Variants in SLC12A8 observed in about 807,000 individuals in gnomAD.
SLC12A8 encodes the protein cation-chloride cotransporter 9.
Under a neutral mutation model 75.6 loss-of-function variants are expected in SLC12A8, and 69 were observed. The ratio of observed to expected loss-of-function variants is 0.91; its 90% CI spans 0.75 to 1.11. The LOEUF (loss-of-function observed/expected upper bound fraction) is 1.11, where lower values mean the gene tolerates loss of function less well. SLC12A8 is among the 50% of genes most tolerant of loss of function. The probability of loss-of-function intolerance (pLI) is 0.00; values close to 1 mark genes in which losing one functional copy is unlikely to be tolerated. For synonymous variants in SLC12A8, 365 were observed against 372.8 expected (o/e 0.98, Z 0.24); for missense variants, 877 against 896.7 (o/e 0.98, Z 0.28).
intron 2 of SLC12A8, among the ~76,000 whole-genome samples, chr3:125,202,738 T>G (rs950326772): frequency 4.0e-5 from 6 of 151,556 alleles, no homozygotes; most frequent in Non-Finnish European, 8.8e-5. Flanking sequence ...TACGAAACAC[T>G]GATGAAATAA....
At chr3:125,188,991 A>G (rs1934854870) in intron 3 of SLC12A8, among the ~76,000 whole-genome samples, 1 of 152,214 alleles carries the variant, frequency 6.6e-6, no homozygotes, top group African/African-American at 2.4e-5. Context: ...TGCCTATGTA[A>G]TGGTTAATTT....
chr3:125,181,458 G>T (rs922802539), intron 4 of SLC12A8, among the ~76,000 whole-genome samples: 1 of 149,718 alleles, frequency 6.7e-6, no homozygotes, highest in African/African-American at 2.4e-5. Context: ...AAAATTAGCC[G>T]GGCGCGGTGG....
intron 6 of SLC12A8, 58 bp downstream of exon 6, chr3:125,135,611 T>C: frequency 8.7e-7 from 1 of 1,146,762 alleles, no homozygotes; most frequent in South Asian, 1.7e-5. Flanking sequence ...TGCTGAATTT[T>C]GGAACCAAGA....
At chr3:125,178,504 TATCTAGGTGAATGTAC>T (rs1934586770) in intron 4 of SLC12A8, among the ~76,000 whole-genome samples, 1 of 152,256 alleles carries the variant, frequency 6.6e-6, no homozygotes, top group Admixed American at 6.5e-5. Flanking sequence ...ACCCAAGGAC[TATCTAGGTGAATGTAC>T]TTCATTTTAC....
rs1403477316 is a variant in SLC12A8, at chr3:125,192,778, T to C, written c.52-2257A>G. 2.6e-5 allele frequency: 4 copies of C among 154,452 alleles called. No individual in the cohort carries two copies. In the East Asian group the frequency reaches 5.8e-4, roughly 22 times the overall value. The allele number at this position is 154,452 out of a possible 1,614,324, so 9.6% of individuals were successfully genotyped here. A position where few individuals can be genotyped will look rare whatever the true frequency, so the allele number is the denominator to read the frequency against. On this transcript the variant is annotated intron_variant, in intron 2 of 13. Coordinates refer to ENST00000469902, the MANE Select transcript of SLC12A8 (RefSeq NM_024628.6). ...TTCAGGATATTGAGGGGTGTGTACC[T>C]ACCTTTTCTCACCACATGACAAAAA...
intron 4 of SLC12A8, among the ~76,000 whole-genome samples, chr3:125,178,452 G>A (rs566984406): frequency 6.6e-6 from 1 of 152,124 alleles, no homozygotes; most frequent in Admixed American, 6.5e-5. Context: ...AAAAAAAAAA[G>A]TGAGTGGCAC....
rs1232150100 is a variant in SLC12A8, at chr3:125,114,186, T to A, written c.913-3851A>T. 2.0e-5 allele frequency among the ~76,000 whole-genome samples: 3 copies of A among 152,180 alleles called. No individual in the cohort carries two copies. In the East Asian group the frequency reaches 5.8e-4, roughly 29 times the overall value. The stretch of plus-strand genomic sequence containing the variant: ...CCATTTTCCATAATGAGACCTAGTC[T>A]GCTTCCCTTCCTGAGAGGCAGGACT... On this transcript the variant is annotated intron_variant, in intron 8 of 13. Transcript: ENST00000469902.
At chr3:125,196,392 T>A (rs1242293659) in intron 2 of SLC12A8, among the ~76,000 whole-genome samples, 5 of 152,228 alleles carry the variant, frequency 3.3e-5, no homozygotes. Context: ...TGTAGGAGTA[T>A]GAATTACCAA....
chr3:125,156,603 G>A (rs1560070477), intron 5 of SLC12A8, among the ~76,000 whole-genome samples: 1 of 152,338 alleles, frequency 6.6e-6, no homozygotes, highest in East Asian at 1.9e-4. Flanking sequence ...TGGGATGAGA[G>A]GTGGGATGAG....
At chr3:125,207,745 A>T (rs1259066232) in intron 2 of SLC12A8, among the ~76,000 whole-genome samples, 1 of 152,190 alleles carries the variant, frequency 6.6e-6, no homozygotes, top group African/African-American at 2.4e-5. Context: ...TGGCACAGAC[A>T]AGCACCCAAT....
intron 5 of SLC12A8, among the ~76,000 whole-genome samples, chr3:125,148,095 G>A (rs1477640449): frequency 6.6e-6 from 1 of 152,218 alleles, no homozygotes; most frequent in Non-Finnish European, 1.5e-5. Flanking sequence ...AATTATAGCT[G>A]AGCTGGAGCT....
intron 2 of SLC12A8, among the ~76,000 whole-genome samples, chr3:125,193,401 C>T (rs1462777612): frequency 2.0e-5 from 3 of 152,164 alleles, no homozygotes; most frequent in African/African-American, 7.2e-5. Context: ...TGTGTGTCCC[C>T]GCTCTTCTCA....
intron 10 of SLC12A8, among the ~76,000 whole-genome samples, chr3:125,095,069 C>A (rs987993936): frequency 7.2e-5 from 11 of 152,200 alleles, no homozygotes; most frequent in Non-Finnish European, 1.5e-4. Flanking sequence ...CTTCAGCACT[C>A]CTTTTTTCCA....
At chr3:125,185,674 ACCAATATC>A (rs1275868441) in intron 4 of SLC12A8, among the ~76,000 whole-genome samples, 1 of 152,206 alleles carries the variant, frequency 6.6e-6, no homozygotes, top group Non-Finnish European at 1.5e-5. Context: ...GAAACTACAG[ACCAATATC>A]CCTCATGAAT....
At chr3:125,162,446 C>T (rs1176812136) in intron 5 of SLC12A8, among the ~76,000 whole-genome samples, 1 of 152,110 alleles carries the variant, frequency 6.6e-6, no homozygotes, top group East Asian at 1.9e-4. Flanking sequence ...CAGCAGGGTC[C>T]CTTAGATCAC....
rs541367211 is a variant in SLC12A8, at chr3:125,148,972, G to C, written c.623-13190C>G. 4.6e-5 allele frequency among the ~76,000 whole-genome samples: 7 copies of C among 152,312 alleles called. No homozygotes were observed. In the East Asian group the frequency reaches 9.7e-4, roughly 21 times the overall value. On this transcript the variant is annotated intron_variant, in intron 5 of 13. Coordinates refer to ENST00000469902, the MANE Select transcript of SLC12A8 (RefSeq NM_024628.6). Reference sequence around the variant, plus strand: ...TGAGAGGAACACAAACCAGCAGCGGGGGGGCACAGGCAGGATGTGTCGGCC... The same window carrying C: ...TGAGAGGAACACAAACCAGCAGCGGCGGGGCACAGGCAGGATGTGTCGGCC...
At chr3:125,098,467 T>C (rs762693916) in intron 10 of SLC12A8, among the ~76,000 whole-genome samples, 2 of 151,996 alleles carry the variant, frequency 1.3e-5, no homozygotes, top group Non-Finnish European at 2.9e-5. Context: ...TTGTGTTTCT[T>C]GTTACATCTT....
chr3:125,111,755 TTGAC>T (rs1939193638), intron 8 of SLC12A8, among the ~76,000 whole-genome samples: 1 of 152,212 alleles, frequency 6.6e-6, no homozygotes, highest in South Asian at 2.1e-4. Context: ...CTGGAATAAT[TTGAC>T]TGATGGATGA....
intron 2 of SLC12A8, among the ~76,000 whole-genome samples, chr3:125,208,611 T>C (rs2107806711): frequency 6.6e-6 from 1 of 151,900 alleles, no homozygotes; most frequent in Non-Finnish European, 1.5e-5. Context: ...CTTAGTGAGG[T>C]TACGAAACTT....
Sources: allele counts gnomAD v4.1 joint callset (sites outside exome capture counted in the v4.1 genomes callset), GRCh38; gene constraint gnomAD v4.1.1; transcripts MANE v1.5; gene names NCBI Gene and HGNC (gene_info 2026-07-23, HGNC 2026-07-21).